The following DPP6 variants were observed in gnomAD, a reference collection of about 807,000 sequenced individuals.
The protein encoded by DPP6 is dipeptidyl peptidase like 6.
DPP6 carries 69 observed loss-of-function variants against 122.6 expected under a neutral mutation model. That is an observed-to-expected ratio of 0.56 (90% confidence interval 0.46 to 0.69). DPP6 has a LOEUF of 0.69. Ranked by LOEUF, DPP6 falls within the 30% of genes least tolerant of loss-of-function variation. DPP6 has a pLI of 0.00. For missense variants in DPP6, 928 were observed against 1,116.9 expected (o/e 0.83, Z 2.41); for synonymous variants, 418 against 433.1 (o/e 0.97, Z 0.43).
chr7:154,571,833 G>A (rs779755835), intron 5 of DPP6, among the ~76,000 whole-genome samples: 5 of 152,170 alleles, frequency 3.3e-5, no homozygotes, highest in East Asian at 1.9e-4. Context: ...CCACTGCATA[G>A]CAAATTATCC....
chr7:154,852,124 T>A, intron 16 of DPP6, among the ~76,000 whole-genome samples: 1 of 152,206 alleles, frequency 6.6e-6, no homozygotes, highest in African/African-American at 2.4e-5. Flanking sequence ...GCCTCTGCAG[T>A]GAGGCCCTGA....
chr7:154,469,571 A>G (rs1490843830), intron 2 of DPP6, among the ~76,000 whole-genome samples: 3 of 152,148 alleles, frequency 2.0e-5, no homozygotes, highest in Non-Finnish European at 4.4e-5. Flanking sequence ...CAAAATCCCC[A>G]AGGTTCATAT....
intron 3 of DPP6, among the ~76,000 whole-genome samples, chr7:154,518,550 C>T (rs1826719075): frequency 6.6e-6 from 1 of 152,224 alleles, no homozygotes; most frequent in Middle Eastern, 3.4e-3. Context: ...TGTCCTAGTC[C>T]AGATGATGAA....
At chr7:153,959,125 G>T (rs1478942152) in intron 1 of DPP6, among the ~76,000 whole-genome samples, 1 of 151,714 alleles carries the variant, frequency 6.6e-6, no homozygotes, top group Non-Finnish European at 1.5e-5. Context: ...GATGCTTCTG[G>T]TCACTAAGGG....
Position 154,157,238 on chromosome 7 carries a change from C to T in DPP6, c.243+104175C>T, listed in dbSNP as rs1796730797. 2.6e-5 allele frequency among the ~76,000 whole-genome samples: 4 copies of T among 152,360 alleles called. No homozygotes were observed. In the South Asian group the frequency reaches 8.3e-4, roughly 32 times the overall value. ...TCAGAGCCAAGAGAAAAGAAGGAAT[C>T]AGATAGTGATAACCCAGTGAGGTAT... On this transcript the variant is annotated intron_variant, in intron 1 of 25. Transcript: ENST00000377770.
chr7:153,984,464 C>T (rs1325645928), intron 1 of DPP6, among the ~76,000 whole-genome samples: 1 of 152,116 alleles, frequency 6.6e-6, no homozygotes. Flanking sequence ...TTTTTTTCTT[C>T]CCTTGCAAAT....
chr7:154,393,605 G>T (rs576287134), intron 1 of DPP6, among the ~76,000 whole-genome samples: 1 of 141,036 alleles, frequency 7.1e-6, no homozygotes, highest in African/African-American at 2.6e-5. Flanking sequence ...GATTTTTATT[G>T]ACTACTTTTT....
chr7:154,365,378 G>T (rs1371933453), intron 1 of DPP6, among the ~76,000 whole-genome samples: 1 of 152,118 alleles, frequency 6.6e-6, no homozygotes, highest in African/African-American at 2.4e-5. Flanking sequence ...ACAGGACAAG[G>T]TGCGATCTCC....
intron 1 of DPP6, among the ~76,000 whole-genome samples, chr7:154,222,249 G>A (rs1203953609): frequency 6.6e-6 from 1 of 152,162 alleles, no homozygotes; most frequent in African/African-American, 2.4e-5. Flanking sequence ...CACAACTCAA[G>A]TCCCACCGCC....
intron 1 of DPP6, among the ~76,000 whole-genome samples, chr7:154,175,027 C>T (rs1375317645): frequency 6.6e-6 from 1 of 151,978 alleles, no homozygotes; most frequent in African/African-American, 2.4e-5. Context: ...GCCCCTGCAA[C>T]ACGCGCCCCC....
intron 1 of DPP6, among the ~76,000 whole-genome samples, chr7:154,023,323 C>T (rs113445366): frequency 7.1e-6 from 1 of 140,454 alleles, no homozygotes; most frequent in Non-Finnish European, 1.6e-5. Flanking sequence ...TGTCTGCACA[C>T]ACACACACAC....
At chr7:154,393,123 C>T (rs1814764483) in intron 1 of DPP6, among the ~76,000 whole-genome samples, 1 of 152,186 alleles carries the variant, frequency 6.6e-6, no homozygotes, top group African/African-American at 2.4e-5. Context: ...TTGGACTAGA[C>T]TTATTTAGAA....
intron 2 of DPP6, among the ~76,000 whole-genome samples, chr7:154,453,485 A>G (rs1820564952): frequency 1.3e-5 from 2 of 151,330 alleles, no homozygotes; most frequent in Non-Finnish European, 2.9e-5. Flanking sequence ...ATAATTTCAA[A>G]ACATTTTATT....
chr7:154,539,047 CT>C (rs1828495687), intron 3 of DPP6, among the ~76,000 whole-genome samples: 1 of 152,176 alleles, frequency 6.6e-6, no homozygotes, highest in African/African-American at 2.4e-5. Flanking sequence ...TCTACACATA[CT>C]TAAATTATAA....
intron 1 of DPP6, among the ~76,000 whole-genome samples, chr7:153,965,016 C>A (rs1795618358): frequency 7.4e-6 from 1 of 135,232 alleles, no homozygotes; most frequent in Admixed American, 8.1e-5. Flanking sequence ...TCCTTCCTTC[C>A]TTCCTTCCTT....
At chr7:154,361,250 C>A (rs1811698701) in intron 1 of DPP6, among the ~76,000 whole-genome samples, 1 of 151,898 alleles carries the variant, frequency 6.6e-6, no homozygotes, top group Admixed American at 6.6e-5. Flanking sequence ...TTTCTAGTGA[C>A]AATAACAAGC....
At chr7:154,451,164 C>A (rs1820332958) in intron 2 of DPP6, among the ~76,000 whole-genome samples, 1 of 151,990 alleles carries the variant, frequency 6.6e-6, no homozygotes, top group Non-Finnish European at 1.5e-5. Flanking sequence ...AGATCGAGAC[C>A]AGCCTGGCCA....
chr7:153,798,673 A>G, the DPP6 span, among the ~76,000 whole-genome samples: 1 of 152,220 alleles, frequency 6.6e-6, no homozygotes, highest in East Asian at 1.9e-4. Context: ...GGATGATTCA[A>G]GTGCATTACA....
chr7:154,078,574 A>G (rs1391179075), intron 1 of DPP6, among the ~76,000 whole-genome samples: 2 of 152,216 alleles, frequency 1.3e-5, no homozygotes, highest in African/African-American at 2.4e-5. Context: ...TTAGAGCTCA[A>G]CAAAGCACTT....
Sources: gnomAD v4.1 joint callset for allele counts (sites outside exome capture counted in the v4.1 genomes callset) on GRCh38, gnomAD v4.1.1 for gene constraint, MANE v1.5 for transcripts, NCBI Gene and HGNC (gene_info 2026-07-23, HGNC 2026-07-21) for gene names.